Variants in SLC44A5 observed in about 807,000 individuals in gnomAD.
SLC44A5 encodes the protein solute carrier family 44 member 5.
SLC44A5 carries 57 observed loss-of-function variants against 101.8 expected under a neutral mutation model. That is an observed-to-expected ratio of 0.56 (90% CI 0.45 to 0.70). SLC44A5 has a LOEUF of 0.70. Ranked by LOEUF, SLC44A5 falls within the 30% of genes least tolerant of loss-of-function variation. The probability of loss-of-function intolerance (pLI) is 0.00; values close to 1 mark genes in which losing one functional copy is unlikely to be tolerated. For missense variants in SLC44A5, 737 were observed against 853.1 expected, an observed-to-expected ratio of 0.86 and a Z score of 1.70; for synonymous variants, 281 against 290.9, an observed-to-expected ratio of 0.97 and a Z score of 0.35.
intron 4 of SLC44A5, among the ~76,000 whole-genome samples, chr1:75,330,136 C>A (rs935788872): frequency 1.0e-5 from 1 of 97,754 alleles, no homozygotes; most frequent in Non-Finnish European, 2.2e-5. Flanking sequence ...CACACACACA[C>A]ACACATGCAT....
At chr1:75,479,113 A>C (rs946452816) in intron 2 of SLC44A5, among the ~76,000 whole-genome samples, 9 of 152,224 alleles carry the variant, frequency 5.9e-5, no homozygotes, top group Non-Finnish European at 1.0e-4. Context: ...AAAACCGCTC[A>C]ACTACATGGA....
At chr1:75,448,935 TC>T (rs1665738643) in intron 2 of SLC44A5, among the ~76,000 whole-genome samples, 1 of 152,062 alleles carries the variant, frequency 6.6e-6, no homozygotes, top group Non-Finnish European at 1.5e-5. Context: ...TCCACTCCAC[TC>T]CCACTCAGTA....
At chr1:75,511,481 C>CA (rs1329328862) in intron 2 of SLC44A5, among the ~76,000 whole-genome samples, 1 of 151,862 alleles carries the variant, frequency 6.6e-6, no homozygotes, top group African/African-American at 2.4e-5. Flanking sequence ...AATTTTTATC[C>CA]AAAAAAACTA....
chr1:75,392,761 A>T (rs1347198850), intron 3 of SLC44A5, among the ~76,000 whole-genome samples: 2 of 152,204 alleles, frequency 1.3e-5, no homozygotes, highest in Non-Finnish European at 1.5e-5. Context: ...CTAGGTGCCC[A>T]TCAACAGTGG....
intron 2 of SLC44A5, among the ~76,000 whole-genome samples, chr1:75,531,034 C>T (rs182219212): frequency 3.9e-4 from 60 of 152,300 alleles, no homozygotes; most frequent in African/African-American, 1.4e-3. Flanking sequence ...CTAATAACCA[C>T]AAATGGCCTA....
intron 4 of SLC44A5, among the ~76,000 whole-genome samples, chr1:75,320,875 T>C (rs762368633): frequency 5.5e-4 from 83 of 152,234 alleles, no homozygotes; most frequent in Middle Eastern, 6.8e-3. Context: ...TGGTAAAAGG[T>C]TGAAGCAGCA....
Position 75,251,298 on chromosome 1 carries a change from T to A in SLC44A5, c.261-4A>T. 1 of 1,608,260 alleles carries A rather than the reference T, an allele frequency of 6.2e-7. No homozygotes were observed. The stretch of plus-strand genomic sequence containing the variant: ...GTAAAACAAAATGGTCTTGTTCCTG[T>A]TAAGAAAGAAAACATAATCTTTTTA... On this transcript the variant is annotated splice_region_variant and splice_polypyrimidine_tract_variant and intron_variant, in intron 6 of 23. Coordinates refer to ENST00000370859, the MANE Select transcript of SLC44A5 (RefSeq NM_001130058.2).
At chr1:75,307,574 T>G (rs2100899350) in intron 4 of SLC44A5, among the ~76,000 whole-genome samples, 1 of 152,328 alleles carries the variant, frequency 6.6e-6, no homozygotes, top group East Asian at 1.9e-4. Context: ...GGAGTAGAGA[T>G]CCATGTAAGT....
At chr1:75,474,817 C>T (rs1206657654) in intron 2 of SLC44A5, among the ~76,000 whole-genome samples, 1 of 152,124 alleles carries the variant, frequency 6.6e-6, no homozygotes, top group African/African-American at 2.4e-5. Context: ...CTTAGGCTAA[C>T]TTTATAATAA....
At chr1:75,593,825 A>G (rs999590434) in intron 1 of SLC44A5, among the ~76,000 whole-genome samples, 20 of 151,972 alleles carry the variant, frequency 1.3e-4, no homozygotes, top group Non-Finnish European at 1.5e-5. Flanking sequence ...AGGAGTTACC[A>G]AAGGCTGAGA....
At chr1:75,204,159 T>C (rs1244877214) in intron 23 of SLC44A5, among the ~76,000 whole-genome samples, 1 of 152,202 alleles carries the variant, frequency 6.6e-6, no homozygotes, top group Admixed American at 6.5e-5. Context: ...TAAATTACTA[T>C]ATTTGCTTAA....
chr1:75,613,129 G>C (rs993374584), upstream of SLC44A5, among the ~76,000 whole-genome samples: 2 of 152,208 alleles, frequency 1.3e-5, no homozygotes, highest in Non-Finnish European at 2.9e-5. Context: ...TGAGCAACTT[G>C]CCTGTCACAA....
chr1:75,603,023 A>G (rs988951819), intron 1 of SLC44A5, among the ~76,000 whole-genome samples: 31 of 152,002 alleles, frequency 2.0e-4, no homozygotes, highest in Non-Finnish European at 5.9e-5. Context: ...ACATATACAC[A>G]TTGTTACCTG....
In SLC44A5 at chr1:75,222,210, C is replaced by A; in HGVS notation, c.1085+151G>T. ...ACCTCAGGTGACCAGCCTGCCTCGG[C>A]CTCCCAAAGTGCTGGGATTACAGGT... On this transcript the variant is annotated intron_variant, in intron 14 of 23. Transcript: ENST00000370859. The A allele has an allele frequency of 8.4e-6, 5 of 595,442 alleles. 1 individual carries two copies. The South Asian group carries it at 1.0e-4, about 12-fold the overall frequency. 36.9% of individuals were successfully genotyped at this position (595,442 alleles called of 1,614,324 possible).
chr1:75,622,906 T>A, the SLC44A5 span, among the ~76,000 whole-genome samples: 1 of 152,242 alleles, frequency 6.6e-6, no homozygotes, highest in South Asian at 2.1e-4. Context: ...TATGAGTGAA[T>A]CATTTGCATA....
chr1:75,477,796 G>T (rs569325914), intron 2 of SLC44A5, among the ~76,000 whole-genome samples: 1 of 152,100 alleles, frequency 6.6e-6, no homozygotes, highest in East Asian at 1.9e-4. Context: ...TGAAAGTGAC[G>T]GGGAGAATGG....
At chr1:75,618,321 C>T in the SLC44A5 span, among the ~76,000 whole-genome samples, 1 of 152,176 alleles carries the variant, frequency 6.6e-6, no homozygotes, top group Non-Finnish European at 1.5e-5. Context: ...ATAAGATCAT[C>T]AAAAGAGGTT....
At chr1:75,471,166 C>A (rs2101730400) in intron 2 of SLC44A5, among the ~76,000 whole-genome samples, 1 of 151,858 alleles carries the variant, frequency 6.6e-6, no homozygotes, top group East Asian at 1.9e-4. Context: ...GGCTGTGTTT[C>A]TTTGGAGTTT....
intron 2 of SLC44A5, among the ~76,000 whole-genome samples, chr1:75,473,024 C>T (rs1667194243): frequency 6.6e-6 from 1 of 152,164 alleles, no homozygotes; most frequent in Non-Finnish European, 1.5e-5. Context: ...TATTCCTAGT[C>T]CTCGTGTAAA....
Sources: gnomAD v4.1 joint callset for allele counts (sites outside exome capture counted in the v4.1 genomes callset) on GRCh38, gnomAD v4.1.1 for gene constraint, MANE v1.5 for transcripts, NCBI Gene and HGNC (gene_info 2026-07-23, HGNC 2026-07-21) for gene names.